The following RGS20 variants were observed in gnomAD, a reference collection of about 807,000 sequenced individuals.
RGS20 encodes the protein regulator of G protein signaling 20.
RGS20 carries 30 observed loss-of-function variants against 33.6 expected under a neutral mutation model. The ratio of observed to expected loss-of-function variants is 0.89; its 90% CI spans 0.67 to 1.21. The LOEUF is 1.21. Among genes scored for constraint, RGS20 ranks in the 50% most tolerant of loss-of-function variants. The pLI is 0.00. For missense variants in RGS20, 472 were observed against 502.4 expected, an observed-to-expected ratio of 0.94 and a Z score of 0.58; for synonymous variants, 208 against 197.9, an observed-to-expected ratio of 1.05 and a Z score of -0.43.
At chr8:53,863,797 G>GC (rs1346266887) in intron 1 of RGS20, among the ~76,000 whole-genome samples, 1 of 149,820 alleles carries the variant, frequency 6.7e-6, no homozygotes, top group Non-Finnish European at 1.5e-5. Context: ...CGCCAACTCG[G>GC]CTCACTGCAA....
rs1239489352 is a variant in RGS20, at chr8:53,879,443, G to T, written c.351G>T (p.Ser117=). The change falls in exon 2 of 6, where the codon TCG becomes TCT. Residue 117 remains serine, a synonymous_variant. Coordinates refer to ENST00000297313, the MANE Select transcript of RGS20 (RefSeq NM_170587.4). Reference sequence around the variant, plus strand: ...CCGCCCTGCCGGCCGCCCGGCTCTCGAGGGGGCACGAGGAGCTGCCGGGCC... The same window carrying T: ...CCGCCCTGCCGGCCGCCCGGCTCTCTAGGGGGCACGAGGAGCTGCCGGGCC... 1 of 1,599,200 alleles carries T rather than the reference G, an allele frequency of 6.3e-7. No homozygotes were observed. The highest frequency in any genetic ancestry group is 2.3e-5 in the East Asian group (1 of 44,316).
rs1024464938 is a variant in RGS20, at chr8:53,877,627, A to G, written c.166-1631A>G. ...TCCCAGCTCCAGCCCCTAAAATAAA[A>G]GCACCTTGCCAGAGAGCGGGGGAGG... On this transcript the variant is annotated intron_variant, in intron 1 of 5. Coordinates refer to ENST00000297313, the MANE Select transcript of RGS20 (RefSeq NM_170587.4). This position sits in a 1 kb window ranked among gnomAD's most constrained non-coding sequence, Gnocchi z 5.7. Among the ~76,000 whole-genome samples, 12 of 152,306 alleles carry G rather than the reference A, an allele frequency of 7.9e-5. No individual in the cohort carries two copies. The highest frequency in any genetic ancestry group is 7.8e-4 in the Admixed American group (12 of 15,314).
At chr8:53,888,954 C>T (rs1051990197) in intron 2 of RGS20, among the ~76,000 whole-genome samples, 1 of 152,208 alleles carries the variant, frequency 6.6e-6, no homozygotes, top group Non-Finnish European at 1.5e-5. Context: ...TTCCATTCCA[C>T]TACTGAAGAA....
At position 53,879,693 on chromosome 8, in the gene RGS20, C is replaced by A; in HGVS notation, c.510+91C>A. 3 of 1,115,672 alleles carry A rather than the reference C, an allele frequency of 2.7e-6. No homozygotes were observed. The South Asian group carries it at 5.5e-5, about 20-fold the overall frequency. The allele number at this position is 1,115,672 out of a possible 1,614,324, so 69.1% of individuals were successfully genotyped here. Reference sequence around the variant, plus strand: ...CTTCCTAACCCCAACTGACCCGCTCCGCTGGGGCTAGCAGTAGGGAGGGTG... The same window carrying A: ...CTTCCTAACCCCAACTGACCCGCTCAGCTGGGGCTAGCAGTAGGGAGGGTG... On this transcript the variant is annotated intron_variant, in intron 2 of 5. Transcript: ENST00000297313.
chr8:53,932,170 T>C (rs1813991143), intron 2 of RGS20, among the ~76,000 whole-genome samples: 1 of 152,160 alleles, frequency 6.6e-6, no homozygotes, highest in Non-Finnish European at 1.5e-5. Context: ...CCGACCTTTC[T>C]CTCTGGCTGC....
intron 2 of RGS20, among the ~76,000 whole-genome samples, chr8:53,915,301 C>T (rs1019023849): frequency 2.1e-4 from 32 of 152,198 alleles, no homozygotes; most frequent in African/African-American, 7.7e-4. Flanking sequence ...GCTTTCTCTC[C>T]TTTCCGAGCT....
intron 4 of RGS20, among the ~76,000 whole-genome samples, chr8:53,949,602 G>A (rs1014038312): frequency 6.6e-6 from 1 of 151,290 alleles, no homozygotes; most frequent in African/African-American, 2.4e-5. Flanking sequence ...TGTAATCCCA[G>A]CTGTTTGGAA....
At chr8:53,897,670 C>T (rs1812905868) in intron 2 of RGS20, among the ~76,000 whole-genome samples, 1 of 152,112 alleles carries the variant, frequency 6.6e-6, no homozygotes, top group Admixed American at 6.6e-5. Context: ...TTTCATACGC[C>T]AACTTGAAGA....
rs372910413 is a variant in RGS20, at chr8:53,933,267, G to A, written c.511-6309G>A. 1.4e-4 allele frequency among the ~76,000 whole-genome samples: 21 copies of A among 152,238 alleles called. No homozygotes were observed. The East Asian group carries it at 1.7e-3, about 13-fold the overall frequency. On this transcript the variant is annotated intron_variant, in intron 2 of 5. Coordinates refer to ENST00000297313, the MANE Select transcript of RGS20 (RefSeq NM_170587.4). The stretch of plus-strand genomic sequence containing the variant: ...AAACTGGACAGAGAATGAGTTTGAC[G>A]CATTGACAGAAGGAGGCTTCAGAAG...
At chr8:53,942,515 A>G (rs919864185) in intron 3 of RGS20, among the ~76,000 whole-genome samples, 2 of 151,890 alleles carry the variant, frequency 1.3e-5, no homozygotes, top group Non-Finnish European at 2.9e-5. Flanking sequence ...AAAACTTCTC[A>G]CACCCCTGCA....
chr8:53,884,191 CTTTTTTTTTTT>C (rs4014055), intron 2 of RGS20, among the ~76,000 whole-genome samples: 4 of 103,478 alleles, frequency 3.9e-5, no homozygotes, highest in Admixed American at 1.0e-4. Context: ...GAAAAACAGT[CTTTTTTTTTTT>C]TTTTTTTTTT....
At chr8:53,910,551 G>A (rs569035693) in intron 2 of RGS20, among the ~76,000 whole-genome samples, 108 of 152,202 alleles carry the variant, frequency 7.1e-4, no homozygotes, top group Non-Finnish European at 1.0e-3. Flanking sequence ...CTTAGAAAGC[G>A]AATAAACATG....
chr8:53,863,796 G>T (rs150614465), intron 1 of RGS20, among the ~76,000 whole-genome samples: 2 of 145,170 alleles, frequency 1.4e-5, no homozygotes, highest in Non-Finnish European at 1.5e-5. Context: ...GCGCCAACTC[G>T]GCTCACTGCA....
intron 2 of RGS20, among the ~76,000 whole-genome samples, chr8:53,897,071 G>A (rs1036846211): frequency 6.6e-6 from 1 of 152,132 alleles, no homozygotes; most frequent in African/African-American, 2.4e-5. Flanking sequence ...AAATGTAGAG[G>A]GAAAATTTGC....
chr8:53,942,064 G>A (rs1385496681), intron 3 of RGS20, among the ~76,000 whole-genome samples: 5 of 152,022 alleles, frequency 3.3e-5, no homozygotes, highest in East Asian at 3.9e-4. Flanking sequence ...ACATGAGGTC[G>A]GGAGTTCGAG....
At chr8:53,953,127 T>C (rs886266912) in intron 4 of RGS20, among the ~76,000 whole-genome samples, 3 of 152,352 alleles carry the variant, frequency 2.0e-5, no homozygotes, top group East Asian at 1.9e-4. Context: ...ATCCCATTGA[T>C]GGCTACACTA....
At chr8:53,859,334 A>G (rs2129267308) in intron 1 of RGS20, among the ~76,000 whole-genome samples, 1 of 152,346 alleles carries the variant, frequency 6.6e-6, no homozygotes, top group East Asian at 1.9e-4. Flanking sequence ...AATATCCCAT[A>G]TGAAAATCAA....
intron 1 of RGS20, among the ~76,000 whole-genome samples, chr8:53,866,378 C>T (rs1053941816): frequency 6.6e-6 from 1 of 151,166 alleles, no homozygotes; most frequent in Non-Finnish European, 1.5e-5. Flanking sequence ...GAGAAGGACA[C>T]ATTTACCTCT....
intron 2 of RGS20, among the ~76,000 whole-genome samples, chr8:53,909,935 TG>T (rs1563388153): frequency 6.6e-6 from 1 of 152,128 alleles, no homozygotes; most frequent in Non-Finnish European, 1.5e-5. Context: ...GTATCTAGAG[TG>T]TCTGAGACTG....
Sources: gnomAD v4.1 joint callset for allele counts (sites outside exome capture counted in the v4.1 genomes callset) on GRCh38, gnomAD v4.1.1 for gene constraint, Gnocchi (gnomAD v3.1) non-coding constraint, MANE v1.5 for transcripts, NCBI Gene and HGNC (gene_info 2026-07-23, HGNC 2026-07-21) for gene names.